FANCB: variants seen among roughly 807,000 people sequenced by gnomAD.
FANCB encodes the protein FA complementation group B, also known as Fanconi anemia group B protein.
FANCB carries 5 observed loss-of-function variants against 38.9 expected under a neutral mutation model. The ratio of observed to expected loss-of-function variants is 0.13; its 90% CI spans 0.07 to 0.27. The LOEUF (loss-of-function observed/expected upper bound fraction) is 0.27. FANCB is among the 10% of genes least tolerant of loss of function. The probability of loss-of-function intolerance (pLI) is 1.00; values close to 1 mark genes in which losing one functional copy is unlikely to be tolerated. For synonymous variants in FANCB, 236 were observed against 215.4 expected, an observed-to-expected ratio of 1.10 and a Z score of -0.84; for missense variants, 573 against 602.7, an observed-to-expected ratio of 0.95 and a Z score of 0.52.
intron 6 of FANCB, among the ~76,000 whole-genome samples, chrX:14,852,112 C>A (rs1353059325): frequency 1.8e-5 from 2 of 110,616 alleles, no homozygotes; most frequent in Non-Finnish European, 3.8e-5. Context: ...GCAGTTTTTG[C>A]TAACTTCCTA....
intron 3 of FANCB, among the ~76,000 whole-genome samples, chrX:14,862,586 A>G (rs1267549061): frequency 8.9e-6 from 1 of 111,829 alleles, no homozygotes. Context: ...TTTTTTCCTT[A>G]TCTAGGTGAA....
At chrX:14,849,159 A>C (rs928100401) in intron 7 of FANCB, among the ~76,000 whole-genome samples, 1 of 112,135 alleles carries the variant, frequency 8.9e-6, no homozygotes, top group Admixed American at 9.5e-5. Context: ...TTTCAAGCCA[A>C]TTTCACTCAT....
the FANCB span, among the ~76,000 whole-genome samples, chrX:14,693,771 G>A: frequency 1.8e-5 from 2 of 111,509 alleles, no homozygotes; most frequent in African/African-American, 3.2e-5. Flanking sequence ...AAAATCAATG[G>A]TACAAAGATA....
chrX:14,711,718 CAA>C, the FANCB span, among the ~76,000 whole-genome samples: 1 of 112,419 alleles, frequency 8.9e-6, no homozygotes, highest in Non-Finnish European at 1.9e-5. Context: ...TATTTTACTA[CAA>C]AAGAGACTGA....
the FANCB span, among the ~76,000 whole-genome samples, chrX:14,717,345 TAA>T: frequency 1.4e-4 from 13 of 91,273 alleles, no homozygotes; most frequent in Admixed American, 3.6e-4. Context: ...CTTAAGAAAG[TAA>T]AAAAAAAAAA....
At chrX:14,717,790 AT>A in the FANCB span, among the ~76,000 whole-genome samples, 1 of 110,018 alleles carries the variant, frequency 9.1e-6, no homozygotes, top group Non-Finnish European at 1.9e-5. Flanking sequence ...TTTATCAAGA[AT>A]TTTTTGAGCA....
At chrX:14,806,393 C>G in the FANCB span, among the ~76,000 whole-genome samples, 1 of 111,976 alleles carries the variant, frequency 8.9e-6, no homozygotes, top group Non-Finnish European at 1.9e-5. Flanking sequence ...ACTCCTAAAC[C>G]TTCTATAAAA....
chrX:14,737,713 A>C, the FANCB span, among the ~76,000 whole-genome samples: 13 of 112,582 alleles, frequency 1.2e-4, no homozygotes, highest in African/African-American at 3.2e-4. Context: ...TATGAATAGC[A>C]TTGGTTATCC....
the FANCB span, among the ~76,000 whole-genome samples, chrX:14,813,251 G>C: frequency 1.4e-4 from 15 of 106,089 alleles, no homozygotes; most frequent in African/African-American, 3.1e-4. Context: ...TTTGAAAACT[G>C]GCACAAGACA....
the FANCB span, among the ~76,000 whole-genome samples, chrX:14,717,757 A>C: frequency 4.6e-5 from 5 of 108,398 alleles, no homozygotes; most frequent in South Asian, 8.0e-4. Context: ...AAAAAAAAAA[A>C]CCCATCGGTC....
At chrX:14,789,572 C>A in the FANCB span, among the ~76,000 whole-genome samples, 1 of 112,190 alleles carries the variant, frequency 8.9e-6, no homozygotes, top group Non-Finnish European at 1.9e-5. Context: ...ACAGACAACC[C>A]AGCAGGGAGG....
chrX:14,865,673 C>G, intron 2 of FANCB, 93 bp from the exon 3 acceptor site: 1 of 407,118 alleles, frequency 2.5e-6, no homozygotes, highest in Non-Finnish European at 4.2e-6. Context: ...GGTAACTACA[C>G]ATTTTATTAA....
At chrX:14,697,509 A>G in the FANCB span, among the ~76,000 whole-genome samples, 2 of 111,713 alleles carry the variant, frequency 1.8e-5, no homozygotes, top group Admixed American at 1.9e-4. Context: ...TCTTTTCTTC[A>G]TATGTTCCAG....
the FANCB span, among the ~76,000 whole-genome samples, chrX:14,788,950 G>T: frequency 8.9e-6 from 1 of 111,996 alleles, no homozygotes; most frequent in Non-Finnish European, 1.9e-5. Flanking sequence ...ACAGTATCAT[G>T]TCATTAAAAA....
At chrX:14,802,277 T>C in the FANCB span, among the ~76,000 whole-genome samples, 4 of 111,418 alleles carry the variant, frequency 3.6e-5, no homozygotes, top group Admixed American at 3.8e-4. Flanking sequence ...ATGAAATGAA[T>C]GCCAACTCCA....
chrX:14,814,251 G>A, the FANCB span, among the ~76,000 whole-genome samples: 1 of 111,657 alleles, frequency 9.0e-6, no homozygotes, highest in Non-Finnish European at 1.9e-5. Flanking sequence ...ATACCATTCA[G>A]GACACAGGCA....
At chrX:14,788,673 T>C in the FANCB span, among the ~76,000 whole-genome samples, 1 of 112,492 alleles carries the variant, frequency 8.9e-6, no homozygotes, top group Non-Finnish European at 1.9e-5. Context: ...CACAAGTAGC[T>C]ATTTGACTTT....
intron 3 of FANCB, chrX:14,862,174 T>C (rs1444101634): frequency 1.8e-5 from 2 of 110,838 alleles, no homozygotes; most frequent in African/African-American, 3.3e-5. Context: ...AAGTTGAGTA[T>C]AAATGTAACA....
chrX:14,836,226 C>G (rs1349812883), exon 11 of FANCB: 1 of 111,678 alleles, frequency 9.0e-6, no homozygotes, highest in Non-Finnish European at 1.9e-5. Flanking sequence ...TAGTCAAAAT[C>G]ATAGAAAGTA....
Sources: allele counts gnomAD v4.1 joint callset (sites outside exome capture counted in the v4.1 genomes callset), GRCh38; gene constraint gnomAD v4.1.1; transcripts MANE v1.5; gene names NCBI Gene and HGNC (gene_info 2026-07-23, HGNC 2026-07-21).